The following FRMD5 variants were observed in gnomAD, a reference collection of about 807,000 sequenced individuals.
FRMD5 encodes the protein FERM domain-containing protein 5.
FRMD5 carries 20 observed loss-of-function variants against 69.0 expected under a neutral mutation model. The observed-to-expected ratio is 0.29, with a 90% CI of 0.20 to 0.42. The LOEUF is 0.42. Among genes scored for constraint, FRMD5 ranks in the 10% least tolerant of loss-of-function variants. The pLI is 1.00. For missense variants in FRMD5, 595 were observed against 708.6 expected (o/e 0.84, Z 1.82); for synonymous variants, 271 against 260.1 (o/e 1.04, Z -0.40).
At chr15:44,015,489 T>C (rs1406882551) in intron 1 of FRMD5, among the ~76,000 whole-genome samples, 1 of 152,184 alleles carries the variant, frequency 6.6e-6, no homozygotes, top group Non-Finnish European at 1.5e-5. Flanking sequence ...GAGAAGAATA[T>C]AAAATATATC....
chr15:43,995,438 G>C (rs895290977), intron 1 of FRMD5, among the ~76,000 whole-genome samples: 1 of 151,798 alleles, frequency 6.6e-6, no homozygotes, highest in Non-Finnish European at 1.5e-5. Flanking sequence ...CTGAGTTTGT[G>C]GGGGCAGGCT....
chr15:43,965,658 C>T (rs554248134), intron 1 of FRMD5, among the ~76,000 whole-genome samples: 65 of 150,742 alleles, frequency 4.3e-4, no homozygotes, highest in Non-Finnish European at 7.8e-4. Context: ...CTCCGCTCAC[C>T]ACAACCTCTG....
chr15:44,050,447 C>G (rs1892609044), intron 1 of FRMD5, among the ~76,000 whole-genome samples: 1 of 150,656 alleles, frequency 6.6e-6, no homozygotes, highest in Admixed American at 6.6e-5. Context: ...GCAGCCTTAA[C>G]CTCCTGAGCT....
intron 4 of FRMD5, among the ~76,000 whole-genome samples, chr15:43,911,195 T>C (rs927471303): frequency 6.6e-6 from 1 of 152,226 alleles, no homozygotes; most frequent in African/African-American, 2.4e-5. Flanking sequence ...TTAAAAATAT[T>C]TCCACAGATT....
chr15:43,996,349 C>T (rs148296714), intron 1 of FRMD5, among the ~76,000 whole-genome samples: 31 of 152,278 alleles, frequency 2.0e-4, no homozygotes, highest in Non-Finnish European at 3.4e-4. Flanking sequence ...AATGAGGCAA[C>T]GTCCGGTACT....
intron 1 of FRMD5, among the ~76,000 whole-genome samples, chr15:44,078,241 C>A (rs1331746776): frequency 2.0e-5 from 3 of 152,070 alleles, no homozygotes. Flanking sequence ...ATCCTGTAAT[C>A]TTTTATTCCC....
At chr15:44,065,715 T>C (rs1410704197) in intron 1 of FRMD5, among the ~76,000 whole-genome samples, 1 of 152,170 alleles carries the variant, frequency 6.6e-6, no homozygotes, top group Non-Finnish European at 1.5e-5. Flanking sequence ...CAGCTAACAG[T>C]AGTCAATAAG....
chr15:44,191,664 C>A (rs2140614609), intron 1 of FRMD5, among the ~76,000 whole-genome samples: 1 of 151,572 alleles, frequency 6.6e-6, no homozygotes. Context: ...GTCCCAACTA[C>A]TTGGGAGGCT....
chr15:44,161,327 A>C (rs147456811), intron 1 of FRMD5, among the ~76,000 whole-genome samples: 2 of 152,238 alleles, frequency 1.3e-5, no homozygotes, highest in East Asian at 1.9e-4. Flanking sequence ...TCCTGCCTGC[A>C]CCTCTGAGTA....
intron 1 of FRMD5, among the ~76,000 whole-genome samples, chr15:44,040,573 T>A (rs1002181372): frequency 1.3e-5 from 2 of 152,112 alleles, no homozygotes; most frequent in East Asian, 1.9e-4. Context: ...TTAAGCTTCA[T>A]AAGCAAAGGA....
chr15:44,076,772 AT>A (rs1366604127), intron 1 of FRMD5, among the ~76,000 whole-genome samples: 1 of 151,672 alleles, frequency 6.6e-6, no homozygotes, highest in Non-Finnish European at 1.5e-5. Context: ...TTAAATTATA[AT>A]AATAAAAAAG....
intron 1 of FRMD5, among the ~76,000 whole-genome samples, chr15:44,057,420 A>G (rs1236624172): frequency 6.6e-6 from 1 of 152,152 alleles, no homozygotes. Flanking sequence ...TGTTCTATCT[A>G]TCCTATCTGG....
chr15:43,969,742 G>A (rs532438502), intron 1 of FRMD5, among the ~76,000 whole-genome samples: 2 of 152,188 alleles, frequency 1.3e-5, no homozygotes, highest in African/African-American at 4.8e-5. Context: ...AGACTTGCCA[G>A]ACAGAACATA....
At chr15:44,092,249 A>G (rs2076483599) in intron 1 of FRMD5, among the ~76,000 whole-genome samples, 1 of 152,006 alleles carries the variant, frequency 6.6e-6, no homozygotes, top group Non-Finnish European at 1.5e-5. Flanking sequence ...GTCAGCCTCC[A>G]TCCTTTCTGT....
Position 43,871,443 on chromosome 15 carries a change from C to T in FRMD5, c.*2442G>A, listed in dbSNP as rs1397730497. 2.0e-5 allele frequency: 3 copies of T among 152,208 alleles called. No individual in the cohort carries two copies. Among genetic ancestry groups the T allele is most frequent in the Non-Finnish European group, 4.4e-5 (3 of 68,048 alleles). 9.4% of individuals were successfully genotyped at this position (152,208 alleles called of 1,614,324 possible). A position where few individuals can be genotyped will look rare whatever the true frequency, so the allele number is the denominator to read the frequency against. The stretch of plus-strand genomic sequence containing the variant: ...CACTGCATAGAAACACCAGATTCTA[C>T]AAACTGAGGTAGGAGCACTACACTA... On this transcript the variant is annotated 3_prime_UTR_variant, in exon 14 of 14. Coordinates refer to ENST00000417257, the MANE Select transcript of FRMD5 (RefSeq NM_032892.5).
At chr15:44,119,290 T>C (rs1379883089) in intron 1 of FRMD5, among the ~76,000 whole-genome samples, 2 of 152,096 alleles carry the variant, frequency 1.3e-5, no homozygotes, top group Non-Finnish European at 2.9e-5. Flanking sequence ...ACTCATTAAT[T>C]TATTACCATT....
chr15:44,115,463 T>A (rs2140614911), intron 1 of FRMD5, among the ~76,000 whole-genome samples: 1 of 152,322 alleles, frequency 6.6e-6, no homozygotes, highest in South Asian at 2.1e-4. Context: ...TTCTTTACAG[T>A]AAAGAAAACT....
At chr15:44,076,167 T>C (rs1212881642) in intron 1 of FRMD5, among the ~76,000 whole-genome samples, 2 of 152,126 alleles carry the variant, frequency 1.3e-5, no homozygotes, top group African/African-American at 4.8e-5. Context: ...ACTTTTACAC[T>C]GTTGGTGGGA....
At chr15:43,903,722 T>C (rs954042701) in intron 6 of FRMD5, among the ~76,000 whole-genome samples, 3 of 151,482 alleles carry the variant, frequency 2.0e-5, no homozygotes, top group African/African-American at 7.3e-5. Context: ...GCAGGGGGAG[T>C]GGGCCCTGTG....
Sources: gnomAD v4.1 joint callset for allele counts (sites outside exome capture counted in the v4.1 genomes callset) on GRCh38, gnomAD v4.1.1 for gene constraint, MANE v1.5 for transcripts, NCBI Gene and HGNC (gene_info 2026-07-23, HGNC 2026-07-21) for gene names.